The following AP5Z1 variants were observed in gnomAD, a reference collection of about 807,000 sequenced individuals.
AP5Z1 encodes the protein AP-5 complex subunit zeta-1.
Under a neutral mutation model 83.0 loss-of-function variants are expected in AP5Z1, and 106 were observed. The ratio of observed to expected loss-of-function variants is 1.28; its 90% CI spans 1.09 to 1.50. AP5Z1 has a LOEUF of 1.50. Ranked by LOEUF, AP5Z1 falls within the 40% of genes most tolerant of loss-of-function variation. The pLI is 0.00. For missense variants in AP5Z1, 1,565 were observed against 1,094.2 expected (o/e 1.43, Z -6.07); for synonymous variants, 751 against 514.1 (o/e 1.46, Z -6.23).
At chr7:4,781,368 A>G in intron 2 of AP5Z1, 56 bp downstream of exon 2, 1 of 1,607,742 alleles carries the variant, frequency 6.2e-7, no homozygotes, top group Non-Finnish European at 8.5e-7. Flanking sequence ...AGGAGAACCC[A>G]GCCCACGCCC....
In AP5Z1 at chr7:4,790,820, C is replaced by A. The variant is rs756982699; in HGVS notation, c.2086C>A (p.Gln696Lys). 7 of 1,609,232 alleles carry A rather than the reference C, an allele frequency of 4.3e-6. No homozygotes were observed. The highest frequency in any genetic ancestry group is 5.1e-6 in the Non-Finnish European group (6 of 1,178,898). Reference protein sequence around the residue: ...PSAALPRCPPQVVTVLMTTLT... With the variant: ...PSAALPRCPPKVVTVLMTTLT... Reference sequence around the variant, plus strand: ...TGCTGCCCTGCCCAGGTGTCCCCCCCAGGTGGTCACCGTGCTGATGACCAC... The same window carrying A: ...TGCTGCCCTGCCCAGGTGTCCCCCCAAGGTGGTCACCGTGCTGATGACCAC... Residue 696 changes from glutamine to lysine, a missense_variant, in exon 16 of 17, where the codon CAG becomes AAG. Coordinates refer to ENST00000649063, the MANE Select transcript of AP5Z1 (RefSeq NM_014855.3).
rs542987863 is a variant in AP5Z1 at position 4,788,470 on chromosome 7, G to A, written c.1595+176G>A. On this transcript the variant is annotated intron_variant, in intron 12 of 16. Transcript: ENST00000649063. ...CCTGCTTCTGCACCACGGGTCTGCC[G>A]GGGGCGGGGCCTGGTCTCAGCTCTC... 7.8e-4 allele frequency: 638 copies of A among 817,274 alleles called. 2 individuals carry two copies. The African/African-American group carries it at 9.2e-3, about 12-fold the overall frequency. The allele number at this position is 817,274 out of a possible 1,614,324, so 50.6% of individuals were successfully genotyped here.
intron 1 of AP5Z1, 43 bp from the exon 2 acceptor site, chr7:4,781,127 TCCGAG>T (rs1245249377): frequency 1.1e-5 from 17 of 1,593,450 alleles, no homozygotes; most frequent in Admixed American, 8.7e-5. Flanking sequence ...TTTTTTTGGT[TCCGAG>T]CAGCGAGTGC....
chr7:4,782,964 A>G (rs1781420965), intron 3 of AP5Z1, among the ~76,000 whole-genome samples: 1 of 151,892 alleles, frequency 6.6e-6, no homozygotes, highest in Non-Finnish European at 1.5e-5. Flanking sequence ...GTGCAGAGTG[A>G]GGTGGGTGGT....
intron 7 of AP5Z1, 32 bp from the exon 8 acceptor site, chr7:4,785,383 C>G (rs1781508985): frequency 1.2e-6 from 2 of 1,610,004 alleles, no homozygotes; most frequent in Admixed American, 1.7e-5. Flanking sequence ...AAGGCTGAGA[C>G]AGAGCCGGCT....
chr7:4,790,095 G>C (rs1781707406), intron 14 of AP5Z1, 166 bp downstream of exon 14: 2 of 1,304,240 alleles, frequency 1.5e-6, no homozygotes, highest in East Asian at 5.1e-5. Context: ...CCCAGCCCCA[G>C]GCACTTCTCT....
rs1010349689 is a variant in AP5Z1, at chr7:4,783,756, C to T, written c.579C>T (p.Leu193=). The T allele has an allele frequency of 6.4e-7, 1 of 1,550,814 alleles. No individual in the cohort carries two copies. The highest frequency in any genetic ancestry group is 2.4e-5 in the East Asian group (1 of 40,928). The change falls in exon 5 of 17, where the codon CTC becomes CTT. Residue 193 remains leucine (L), a synonymous_variant. Coordinates refer to ENST00000649063, the MANE Select transcript of AP5Z1 (RefSeq NM_014855.3). ...GCTACGCCAGCCTCCAGCAAGGGCTCCCACACTCCGGCGGCTTCTTCTCCA... is the reference window on the plus strand; with the variant it reads ...GCTACGCCAGCCTCCAGCAAGGGCTTCCACACTCCGGCGGCTTCTTCTCCA... ...WLRYASLQQG[L]PHSGGFFSTP... is the part of the protein sequence containing the mutation.
At chr7:4,777,194 T>A (rs1218472109) in intron 1 of AP5Z1, among the ~76,000 whole-genome samples, 1 of 152,066 alleles carries the variant, frequency 6.6e-6, no homozygotes, top group Admixed American at 6.6e-5. Flanking sequence ...ATGTGGGGAC[T>A]ATATGAAAAT....
At chr7:4,790,085 C>T in intron 14 of AP5Z1, 156 bp downstream of exon 14, 5 of 1,290,676 alleles carry the variant, frequency 3.9e-6, no homozygotes, top group South Asian at 1.5e-5. Context: ...CAGCCCCACA[C>T]CCAGCCCCAG....
chr7:4,784,231 C>T lies in AP5Z1; in HGVS notation c.650C>T (p.Ala217Val), dbSNP rs763884027. 2.2e-5 allele frequency: 34 copies of T among 1,569,964 alleles called. No individual in the cohort carries two copies. Among genetic ancestry groups the T allele is most frequent in the Non-Finnish European group, 2.7e-5 (31 of 1,159,438 alleles). Residue 217 changes from alanine to valine, a missense_variant, in exon 6 of 17, where the codon GCG becomes GTG. Coordinates refer to ENST00000649063, the MANE Select transcript of AP5Z1 (RefSeq NM_014855.3). Reference protein sequence around the residue: ...QPGPVTEVDGAVATDFFTVLS... With the variant: ...QPGPVTEVDGVVATDFFTVLS... The stretch of plus-strand genomic sequence containing the variant: ...GGCCCCGTCACCGAGGTGGACGGGG[C>T]GGTAGCCACAGACTTCTTCACGGTG...
At position 4,785,599 on chromosome 7, in the gene AP5Z1, C is replaced by T. The variant is rs938963706; in HGVS notation, c.1047C>T (p.Cys349=). The T allele has an allele frequency of 6.3e-7, 1 of 1,596,918 alleles. No individual in the cohort carries two copies. Among genetic ancestry groups the T allele is most frequent in the African/African-American group, 1.3e-5 (1 of 74,856 alleles). Residue 349 remains cysteine, a synonymous_variant, in exon 9 of 17, where the codon TGC becomes TGT. Transcript: ENST00000649063. ...CCTTCCTGTACCGAAGTCTCTCCTG[C>T]CTGAAGGCCCTGCACGGGCGGGTGC... is the stretch of plus-strand genomic sequence containing the variant. ...DPSFLYRSLS[C]LKALHGRVRG...
intron 2 of AP5Z1, 80 bp from the exon 3 acceptor site, chr7:4,781,488 G>C (rs909817310): frequency 3.6e-5 from 56 of 1,552,568 alleles, no homozygotes; most frequent in Middle Eastern, 1.8e-4. Context: ...AAGGGTGCCC[G>C]GCCAGGTGCT....
At position 4,775,672 on chromosome 7, in the gene AP5Z1, C is replaced by T. The variant is rs756219022; in HGVS notation, c.-44C>T. The T allele has an allele frequency of 2.5e-6, 4 of 1,605,218 alleles. No individual in the cohort carries two copies. The highest frequency in any genetic ancestry group is 2.2e-5 in the South Asian group (2 of 90,914). On this transcript the variant is annotated 5_prime_UTR_variant, in exon 1 of 17. Coordinates refer to ENST00000649063, the MANE Select transcript of AP5Z1 (RefSeq NM_014855.3). The stretch of plus-strand genomic sequence containing the variant: ...GGTGCGGAGCTCCTGGGCTGCAGCT[C>T]CTGGAGTTTCCGAGGTTCGTGCGCG...
intron 13 of AP5Z1, among the ~76,000 whole-genome samples, chr7:4,789,623 GC>G (rs1781682274): frequency 6.6e-6 from 1 of 152,236 alleles, no homozygotes; most frequent in South Asian, 2.1e-4. Flanking sequence ...CGACACCTCT[GC>G]CGGGGGCACT....
At chr7:4,789,752 C>T (rs751487784) in intron 13 of AP5Z1, 80 bp from the exon 14 acceptor site, 259 of 1,110,792 alleles carry the variant, frequency 2.3e-4, no homozygotes, top group Non-Finnish European at 3.2e-4. Flanking sequence ...TGCCCCCCAG[C>T]CCTCACCATG....
rs773577764 is a variant in AP5Z1 at position 4,785,635 on chromosome 7, G to A, written c.1083G>A (p.Pro361=). 1.3e-5 allele frequency: 21 copies of A among 1,568,186 alleles called. No individual in the cohort carries two copies. The highest frequency in any genetic ancestry group is 3.3e-4 in the Middle Eastern group (2 of 6,022). ...TGCACGGGCGGGTGCGCGGGGACCCGGCCTCTGTGCGGGTGCTGCTGCCCC... is the reference window on the plus strand; with the variant it reads ...TGCACGGGCGGGTGCGCGGGGACCCAGCCTCTGTGCGGGTGCTGCTGCCCC... ...KALHGRVRGD[P]ASVRVLLPLA... is the part of the protein sequence containing the mutation. The change falls in exon 9 of 17, where the codon CCG becomes CCA. Residue 361 remains proline, a synonymous_variant. Coordinates refer to ENST00000649063, the MANE Select transcript of AP5Z1 (RefSeq NM_014855.3).
chr7:4,790,948 G>A (rs1410085656), intron 16 of AP5Z1, 61 bp downstream of exon 16: 4 of 1,508,394 alleles, frequency 2.7e-6, no homozygotes, highest in African/African-American at 2.8e-5. Context: ...TGGCTTCTGA[G>A]GTCTTCCCAT....
intron 5 of AP5Z1, 138 bp downstream of exon 5, chr7:4,783,936 G>C: frequency 1.0e-6 from 1 of 998,644 alleles, no homozygotes; most frequent in Non-Finnish European, 1.4e-6. Context: ...TGCGGGGCTT[G>C]GGTCAGGCAG....
In AP5Z1 at chr7:4,790,833, T is replaced by TGCTGATGACCAC. The variant is rs746548308; in HGVS notation, c.2105_2116dup (p.Met702_Leu705dup). ...AGGTGTCCCCCCCAGGTGGTCACCGTGCTGATGACCACGCTGACGAAGCTG... is the reference window on the plus strand; with the variant it reads ...AGGTGTCCCCCCCAGGTGGTCACCGTGCTGATGACCACGCTGATGACCACGCTGACGAAGCTG... On this transcript the variant is annotated inframe_insertion, in exon 16 of 17. Transcript: ENST00000649063. The TGCTGATGACCAC allele has an allele frequency of 4.2e-5, 67 of 1,609,446 alleles. No homozygotes were observed. The highest frequency in any genetic ancestry group is 5.3e-5 in the Non-Finnish European group (62 of 1,178,950).
Sources: gnomAD v4.1 joint callset for allele counts (sites outside exome capture counted in the v4.1 genomes callset) on GRCh38, gnomAD v4.1.1 for gene constraint, MANE v1.5 for transcripts, NCBI Gene and HGNC (gene_info 2026-07-23, HGNC 2026-07-21) for gene names.